TXNDC16: variants seen among roughly 807,000 people sequenced by gnomAD.
TXNDC16 encodes thioredoxin domain containing 16, also known as thioredoxin domain-containing protein 16.
In TXNDC16, 74 loss-of-function variants were observed where a neutral mutation model predicts 85.6. The ratio of observed to expected loss-of-function variants is 0.86; its 90% confidence interval spans 0.72 to 1.05. The LOEUF is 1.05. TXNDC16 is among the 50% of genes least tolerant of loss of function. The probability of loss-of-function intolerance (pLI) is 0.00; values close to 1 mark genes in which losing one functional copy is unlikely to be tolerated. For missense variants in TXNDC16, 959 were observed against 947.0 expected (o/e 1.01, Z -0.17); for synonymous variants, 335 against 326.5 (o/e 1.03, Z -0.28).
At chr14:52,456,987 T>G in intron 17 of TXNDC16, 103 bp downstream of exon 17, 1 of 796,782 alleles carries the variant, frequency 1.3e-6, no homozygotes, top group African/African-American at 1.8e-5. Flanking sequence ...TTTAGATTGC[T>G]ACCTTATTTT....
intron 7 of TXNDC16, among the ~76,000 whole-genome samples, chr14:52,517,047 C>T (rs115071407): frequency 0.018 from 2,664 of 152,142 alleles, 31 homozygotes; most frequent in Non-Finnish European, 0.023. Flanking sequence ...CACCAATTAA[C>T]GCAATCCCCT....
Position 52,440,640 on chromosome 14 carries a change from G to A in TXNDC16, c.1927C>T (p.Pro643Ser). ...GTCAATATTGCTTTTTTATACTGAG[G>A]ATTTACAGTGCCATCACTGAACAAA... ...LILFSDGTVNPQYKKAILTLV... is the reference protein window; with the variant it reads ...LILFSDGTVNSQYKKAILTLV... Residue 643 changes from proline to serine, a missense_variant, in exon 19 of 21, where the codon CCT (proline) becomes TCT (serine). Physicochemically the swap from Pro to Ser is moderately conservative, Grantham distance 74. Transcript: ENST00000281741. 6.2e-7 allele frequency: 1 copy of A among 1,610,412 alleles called. No homozygotes were observed.
chr14:52,503,332 C>A (rs955180380), intron 9 of TXNDC16, among the ~76,000 whole-genome samples: 6 of 152,232 alleles, frequency 3.9e-5, no homozygotes, highest in Admixed American at 3.3e-4. Flanking sequence ...CCAGTAGGGG[C>A]AGACTGACAC....
chr14:52,493,759 C>T (rs973162115), intron 9 of TXNDC16, among the ~76,000 whole-genome samples: 3 of 152,018 alleles, frequency 2.0e-5, no homozygotes, highest in Non-Finnish European at 4.4e-5. Context: ...AAGATGCATT[C>T]TCCTAAACTT....
intron 9 of TXNDC16, among the ~76,000 whole-genome samples, chr14:52,500,003 T>C (rs1469133918): frequency 6.6e-6 from 1 of 152,158 alleles, no homozygotes; most frequent in East Asian, 1.9e-4. Context: ...TCATCTGCAG[T>C]TGGTTTAATC....
At chr14:52,496,347 G>T (rs1215778147) in intron 9 of TXNDC16, among the ~76,000 whole-genome samples, 1 of 151,738 alleles carries the variant, frequency 6.6e-6, no homozygotes, top group Non-Finnish European at 1.5e-5. Flanking sequence ...CTTGACTAGG[G>T]CTCAGTCCTG....
In TXNDC16 at chr14:52,432,500, G is replaced by A; in HGVS notation, c.2282C>T (p.Thr761Ile). 1.2e-6 allele frequency: 2 copies of A among 1,613,916 alleles called. No homozygotes were observed. The highest frequency in any genetic ancestry group is 8.5e-7 in the Non-Finnish European group (1 of 1,179,954). ...MIDAATSQRG[T>I]RKVPKCMKET... ...TTTCATACACTTGGGAACTTTCCTA[G>A]TGCCACGTTGAGATGTTGCGGCATC... The change falls in exon 21 of 21, where the codon ACT (threonine) becomes ATT (isoleucine). Residue 761 changes from threonine to isoleucine, a missense_variant. Physicochemically the swap from Thr to Ile is moderately conservative, Grantham distance 89 (BLOSUM62 -1). Transcript: ENST00000281741.
chr14:52,482,814 A>T lies in TXNDC16; in HGVS notation c.1252+8T>A. The T allele has an allele frequency of 1.9e-6, 3 of 1,590,734 alleles. No homozygotes were observed. The highest frequency in any genetic ancestry group is 1.7e-4 in the Middle Eastern group (1 of 5,948). On this transcript the variant is annotated splice_region_variant and intron_variant, in intron 13 of 20. Transcript: ENST00000281741. ...ATATGTAACAGTCCTCTAAAGGCTC[A>T]TACTCACAACCAGCATAGAAGAGTA...
chr14:52,504,012 A>G (rs574706916), intron 9 of TXNDC16, among the ~76,000 whole-genome samples: 13 of 152,338 alleles, frequency 8.5e-5, no homozygotes, highest in African/African-American at 2.4e-4. Flanking sequence ...AAGCGAGAAG[A>G]GAAGTTTAGA....
chr14:52,485,910 T>C (rs951734353), intron 12 of TXNDC16, among the ~76,000 whole-genome samples: 54 of 152,306 alleles, frequency 3.5e-4, no homozygotes, highest in African/African-American at 1.1e-3. Flanking sequence ...TGGATTTCAC[T>C]ACAACCTCAG....
Position 52,488,501 on chromosome 14 carries a change from A to C in TXNDC16, c.985-15T>G, listed in dbSNP as rs1315526074. On this transcript the variant is annotated splice_polypyrimidine_tract_variant and intron_variant, in intron 11 of 20. Coordinates refer to ENST00000281741, the MANE Select transcript of TXNDC16 (RefSeq NM_020784.3). ...ACTGGAACTCCCTAGAAATACATTA[A>C]TTTTTAAAAAATGAATATAGCAAAG... The C allele has an allele frequency of 6.4e-7, 1 of 1,572,648 alleles. No homozygotes were observed.
intron 18 of TXNDC16, among the ~76,000 whole-genome samples, chr14:52,451,873 C>T (rs1284675700): frequency 6.6e-6 from 1 of 152,070 alleles, no homozygotes; most frequent in Non-Finnish European, 1.5e-5. Flanking sequence ...AATAGGCATC[C>T]AAATTGGAAG....
intron 6 of TXNDC16, among the ~76,000 whole-genome samples, chr14:52,522,090 A>G (rs904230877): frequency 6.6e-6 from 1 of 152,220 alleles, no homozygotes; most frequent in Non-Finnish European, 1.5e-5. Flanking sequence ...AGTTACTTCA[A>G]AACAGTTGGG....
At chr14:52,549,932 C>G (rs564883921) in intron 1 of TXNDC16, among the ~76,000 whole-genome samples, 3 of 152,058 alleles carry the variant, frequency 2.0e-5, no homozygotes, top group African/African-American at 7.2e-5. Flanking sequence ...CCACCATGCC[C>G]GACCCAAACA....
Position 52,432,441 on chromosome 14 carries a change from G to A in TXNDC16, c.2341C>T (p.His781Tyr). 1.9e-6 allele frequency: 3 copies of A among 1,613,942 alleles called. No homozygotes were observed. The highest frequency in any genetic ancestry group is 2.5e-6 in the Non-Finnish European group (3 of 1,179,958). Residue 781 changes from histidine to tyrosine, a missense_variant, in exon 21 of 21, where the codon CAT (histidine) becomes TAT (tyrosine). By Grantham distance (83) the His-to-Tyr change is moderately conservative. Transcript: ENST00000281741. The part of the protein sequence containing the change: ...TDVQENDKEQ[H>Y]EDKSAVRKEP... ...TTTCTGACTGCCGATTTATCTTCAT[G>A]TTGTTCCTTATCATTCTCCTGCACA...
chr14:52,474,083 G>A (rs1009447987), intron 14 of TXNDC16, among the ~76,000 whole-genome samples: 1 of 152,144 alleles, frequency 6.6e-6, no homozygotes, highest in Non-Finnish European at 1.5e-5. Context: ...AGGAAAACAA[G>A]TCCTGGGTTG....
At chr14:52,538,389 T>A (rs908391628) in intron 4 of TXNDC16, among the ~76,000 whole-genome samples, 1 of 152,162 alleles carries the variant, frequency 6.6e-6, no homozygotes, top group African/African-American at 2.4e-5. Context: ...GGATAGCTTA[T>A]AATCTGAACT....
intron 18 of TXNDC16, among the ~76,000 whole-genome samples, chr14:52,446,883 G>T (rs1409697557): frequency 6.6e-6 from 1 of 152,128 alleles, no homozygotes; most frequent in Non-Finnish European, 1.5e-5. Flanking sequence ...TTTATCAACT[G>T]CTAAGTGAAG....
Position 52,551,438 on chromosome 14 carries a change from GC to G in TXNDC16, c.-182+877del, listed in dbSNP as rs541835382. Reference sequence around the variant, plus strand: ...AGGTTTGTAGTGAACTGTCACTACAGCCTGGGCGACAGAGCGAGACCCTGCA... The same window carrying G: ...AGGTTTGTAGTGAACTGTCACTACAGCTGGGCGACAGAGCGAGACCCTGCA... On this transcript the variant is annotated intron_variant, in intron 1 of 20. Transcript: ENST00000281741. 1.9e-3 allele frequency among the ~76,000 whole-genome samples: 280 copies of G among 148,568 alleles called. 3 individuals are homozygous for G. Among genetic ancestry groups the G allele is most frequent in the African/African-American group, 6.8e-3 (271 of 39,906 alleles).
Sources: gnomAD v4.1 joint callset for allele counts (sites outside exome capture counted in the v4.1 genomes callset) on GRCh38, gnomAD v4.1.1 for gene constraint, MANE v1.5 for transcripts, NCBI Gene and HGNC (gene_info 2026-07-23, HGNC 2026-07-21) for gene names.